The following SMC5 variants were observed in gnomAD, a reference collection of about 807,000 sequenced individuals.
SMC5 encodes the protein structural maintenance of chromosomes 5, also known as structural maintenance of chromosomes protein 5.
A neutral mutation model predicts 148.3 loss-of-function variants in SMC5; 88 were observed. The observed-to-expected ratio is 0.59, with a 90% CI of 0.50 to 0.71. SMC5 has a LOEUF of 0.71. Among genes scored for constraint, SMC5 ranks in the 30% least tolerant of loss-of-function variants. The pLI is 0.00. For synonymous variants in SMC5, 421 were observed against 432.8 expected (o/e 0.97, Z 0.34); for missense variants, 1,142 against 1,298.9 (o/e 0.88, Z 1.86).
intron 1 of SMC5, among the ~76,000 whole-genome samples, chr9:70,260,321 G>C (rs1261822675): frequency 6.6e-6 from 1 of 152,112 alleles, no homozygotes; most frequent in Non-Finnish European, 1.5e-5. Context: ...TGACCAGGCT[G>C]ATCTGGAACT....
chr9:70,348,111 T>G, intron 22 of SMC5, 73 bp downstream of exon 22: 1 of 1,266,430 alleles, frequency 7.9e-7, no homozygotes, highest in Non-Finnish European at 1.1e-6. Flanking sequence ...ACATATAAAT[T>G]ATTTATTTAC....
At chr9:70,305,172 C>A in intron 10 of SMC5, 75 bp from the exon 11 acceptor site, 1 of 640,034 alleles carries the variant, frequency 1.6e-6, no homozygotes, top group Non-Finnish European at 2.7e-6. Flanking sequence ...TAATTAAATC[C>A]AATTTTAATA....
At chr9:70,295,470 C>CGAA (rs2035175637) in intron 8 of SMC5, among the ~76,000 whole-genome samples, 1 of 81,440 alleles carries the variant, frequency 1.2e-5, no homozygotes. Flanking sequence ...GACCCTGTCT[C>CGAA]AAAAAAAAAA....
intron 17 of SMC5, among the ~76,000 whole-genome samples, chr9:70,329,884 C>T (rs2036176701): frequency 6.6e-6 from 1 of 152,108 alleles, no homozygotes; most frequent in African/African-American, 2.4e-5. Flanking sequence ...GCTGGGAGGC[C>T]TCAGGAAACT....
intron 11 of SMC5, among the ~76,000 whole-genome samples, chr9:70,305,737 C>T (rs2035478606): frequency 1.3e-5 from 2 of 152,142 alleles, no homozygotes; most frequent in South Asian, 2.1e-4. Context: ...AATCAGTACA[C>T]TGTTGCTTAT....
rs769964826 is a variant in SMC5, at chr9:70,282,419, A to G, written c.820-3A>G. 3 of 1,578,144 alleles carry G rather than the reference A, an allele frequency of 1.9e-6. No individual in the cohort carries two copies. The highest frequency in any genetic ancestry group is 3.9e-5 in the Admixed American group (2 of 51,784). ...AACTTCTGTTTGTTGAATTATTTGC[A>G]AGGAATATGAAAATGTTCGTCAGGA... On this transcript the variant is annotated splice_region_variant and splice_polypyrimidine_tract_variant and intron_variant, in intron 6 of 24. Transcript: ENST00000361138.
intron 5 of SMC5, among the ~76,000 whole-genome samples, chr9:70,279,552 C>G (rs2034689326): frequency 6.6e-6 from 1 of 152,066 alleles, no homozygotes; most frequent in Non-Finnish European, 1.5e-5. Context: ...TGTGGTGGCT[C>G]ACGCCTGTAA....
chr9:70,290,787 A>G (rs181044037), intron 8 of SMC5, among the ~76,000 whole-genome samples: 5 of 152,208 alleles, frequency 3.3e-5, no homozygotes, highest in African/African-American at 7.2e-5. Context: ...TTTTACATAA[A>G]CACACTCTGA....
intron 15 of SMC5, among the ~76,000 whole-genome samples, chr9:70,319,805 A>T (rs1374868791): frequency 1.3e-5 from 2 of 152,232 alleles, no homozygotes; most frequent in Non-Finnish European, 2.9e-5. Context: ...AGTCACATAG[A>T]TATTTCAAAC....
chr9:70,284,825 A>G (rs971446174), intron 7 of SMC5, among the ~76,000 whole-genome samples: 2 of 152,192 alleles, frequency 1.3e-5, no homozygotes, highest in Non-Finnish European at 2.9e-5. Context: ...AATTTTGTTT[A>G]ATATTCATGC....
chr9:70,288,014 A>G (rs1254916636), intron 8 of SMC5, among the ~76,000 whole-genome samples: 1 of 152,012 alleles, frequency 6.6e-6, no homozygotes, highest in African/African-American at 2.4e-5. Context: ...TTTTGTCCTC[A>G]TGGGATGGAT....
In SMC5 at chr9:70,352,567, A is replaced by G. The variant is rs529688422; in HGVS notation, c.*236A>G. On this transcript the variant is annotated 3_prime_UTR_variant, in exon 25 of 25. Coordinates refer to ENST00000361138, the MANE Select transcript of SMC5 (RefSeq NM_015110.4). ...AACTTGAGTTCTTGGCACTCTGACC[A>G]TGAGTCATTCAGTTCTCATGTTAAA... 7 of 426,860 alleles carry G rather than the reference A, an allele frequency of 1.6e-5. No individual in the cohort carries two copies. The Admixed American group carries it at 2.0e-4, about 12-fold the overall frequency. The allele number at this position is 426,860 out of a possible 1,614,324, so 26.4% of individuals were successfully genotyped here.
chr9:70,267,901 C>A, intron 2 of SMC5, 22 bp from the exon 3 acceptor site: 1 of 1,601,494 alleles, frequency 6.2e-7, no homozygotes, highest in Non-Finnish European at 8.5e-7. Context: ...ACACAGCTCA[C>A]TTTTTCTTTT....
chr9:70,300,017 C>T (rs2035315070), intron 9 of SMC5, 29 bp from the exon 10 acceptor site: 1 of 1,527,018 alleles, frequency 6.5e-7, no homozygotes, highest in African/African-American at 1.4e-5. Context: ...TTCAGAGAAA[C>T]AAGACTTTGT....
rs966230640 is a variant in SMC5, at chr9:70,350,110, A to G, written c.2890-4A>G. The G allele has an allele frequency of 6.3e-7, 1 of 1,584,034 alleles. No individual in the cohort carries two copies. The highest frequency in any genetic ancestry group is 8.6e-7 in the Non-Finnish European group (1 of 1,162,390). On this transcript the variant is annotated splice_polypyrimidine_tract_variant and splice_region_variant and intron_variant, in intron 22 of 24. Transcript: ENST00000361138. ...TTTTTCATCACTTTTTAAATGTTTTATAGGAAGATTATGATAAATATGGAA... is the reference window on the plus strand; with the variant it reads ...TTTTTCATCACTTTTTAAATGTTTTGTAGGAAGATTATGATAAATATGGAA...
chr9:70,269,405 A>C (rs2034384114), intron 3 of SMC5, among the ~76,000 whole-genome samples: 1 of 152,030 alleles, frequency 6.6e-6, no homozygotes, highest in South Asian at 2.1e-4. Context: ...AACATGGCAA[A>C]ACCCCATCTC....
intron 17 of SMC5, among the ~76,000 whole-genome samples, chr9:70,342,273 A>G (rs1301923605): frequency 6.8e-6 from 1 of 147,994 alleles, no homozygotes; most frequent in Non-Finnish European, 1.5e-5. Flanking sequence ...TAGCATTGGG[A>G]GATATACCTA....
rs768444813 is a variant in SMC5, at chr9:70,259,228, A to G, written c.150A>G (p.Glu50=). The G allele has an allele frequency of 6.2e-7, 1 of 1,602,298 alleles. No homozygotes were observed. The highest frequency in any genetic ancestry group is 8.5e-7 in the Non-Finnish European group (1 of 1,174,136). ...PLLQSSGPFV[E]GSIVRISMEN... ...TGCAGTCGTCCGGGCCTTTCGTGGA[A>G]GGCTCTATCGTCCGCATCTCGATGG... The change falls in exon 1 of 25, where the codon GAA becomes GAG. Residue 50 remains glutamate (E), a synonymous_variant. Coordinates refer to ENST00000361138, the MANE Select transcript of SMC5 (RefSeq NM_015110.4).
chr9:70,300,514 A>G (rs377515857), intron 10 of SMC5, among the ~76,000 whole-genome samples: 1 of 152,102 alleles, frequency 6.6e-6, no homozygotes, highest in East Asian at 1.9e-4. Flanking sequence ...CAGGGATTAG[A>G]TTAAAACCCT....
Sources: gnomAD v4.1 joint callset for allele counts (sites outside exome capture counted in the v4.1 genomes callset) on GRCh38, gnomAD v4.1.1 for gene constraint, MANE v1.5 for transcripts, NCBI Gene and HGNC (gene_info 2026-07-23, HGNC 2026-07-21) for gene names.